The following PTPRB variants were observed in gnomAD, a reference collection of about 807,000 sequenced individuals.
PTPRB encodes the protein receptor-type tyrosine-protein phosphatase beta.
Under a neutral mutation model 238.1 loss-of-function variants are expected in PTPRB, and 97 were observed. The observed-to-expected ratio is 0.41, with a 90% CI of 0.35 to 0.48. The LOEUF is 0.48. Ranked by LOEUF, PTPRB falls within the 20% of genes least tolerant of loss-of-function variation. The probability of loss-of-function intolerance (pLI) is 0.30; values close to 1 mark genes in which losing one functional copy is unlikely to be tolerated. For synonymous variants in PTPRB, 970 were observed against 995.4 expected, an observed-to-expected ratio of 0.97 and a Z score of 0.48; for missense variants, 2,292 against 2,681.9, an observed-to-expected ratio of 0.85 and a Z score of 3.21.
chr12:70,601,190 A>G (rs556963351), intron 4 of PTPRB, among the ~76,000 whole-genome samples: 1 of 151,954 alleles, frequency 6.6e-6, no homozygotes, highest in African/African-American at 2.4e-5. Flanking sequence ...TTTTGTAGAG[A>G]TAGGGTTTCG....
chr12:70,524,515 G>A lies in PTPRB; in HGVS notation c.6581C>T (p.Pro2194Leu). Residue 2194 changes from proline to leucine, a missense_variant, in exon 33 of 34, where the codon CCC (proline) becomes CTC (leucine). Physicochemically the swap from Pro to Leu is moderately conservative, Grantham distance 98. Coordinates refer to ENST00000334414, the MANE Select transcript of PTPRB (RefSeq NM_001109754.4). The part of the protein sequence containing the change: ...ARKLRSEQEN[P>L]LFPIYENVNP... ...CACATTTTCATAGATTGGAAACAAGGGGTTTTCTTGTTCACTCCGTAGCTT... is the reference window on the plus strand; with the variant it reads ...CACATTTTCATAGATTGGAAACAAGAGGTTTTCTTGTTCACTCCGTAGCTT... The A allele has an allele frequency of 6.2e-7, 1 of 1,613,456 alleles. No homozygotes were observed. The highest frequency in any genetic ancestry group is 8.5e-7 in the Non-Finnish European group (1 of 1,179,576).
At chr12:70,625,329 C>T (rs989629186) in intron 2 of PTPRB, among the ~76,000 whole-genome samples, 5 of 152,162 alleles carry the variant, frequency 3.3e-5, no homozygotes, top group African/African-American at 4.8e-5. Context: ...CTTGGTCCTG[C>T]TCCTGGAAAC....
intron 31 of PTPRB, among the ~76,000 whole-genome samples, chr12:70,534,269 G>C (rs1873744445): frequency 6.6e-6 from 1 of 152,160 alleles, no homozygotes; most frequent in Non-Finnish European, 1.5e-5. Flanking sequence ...GAGGATGAGA[G>C]AGAGGCTACA....
intron 32 of PTPRB, among the ~76,000 whole-genome samples, chr12:70,526,686 T>A (rs560222317): frequency 6.6e-6 from 1 of 152,212 alleles, no homozygotes; most frequent in African/African-American, 2.4e-5. Flanking sequence ...AGCAGTCTCT[T>A]TTTGCTACCT....
chr12:70,622,320 GC>G, intron 3 of PTPRB, 69 bp downstream of exon 3: 1 of 1,567,378 alleles, frequency 6.4e-7, no homozygotes, highest in Non-Finnish European at 8.7e-7. Flanking sequence ...TTTTAGCAAA[GC>G]AAGTCTTTTC....
intron 32 of PTPRB, among the ~76,000 whole-genome samples, chr12:70,530,500 A>G (rs566515528): frequency 1.2e-3 from 175 of 152,072 alleles, no homozygotes; most frequent in South Asian, 0.01. Flanking sequence ...ACACACATAC[A>G]TATATACATA....
intron 26 of PTPRB, 41 bp from the exon 27 acceptor site, chr12:70,539,055 A>G (rs1874631956): frequency 6.8e-7 from 1 of 1,471,434 alleles, no homozygotes; most frequent in African/African-American, 1.4e-5. Flanking sequence ...AGAATATGAA[A>G]TAGAATAAAG....
chr12:70,551,042 T>C (rs1480480163), intron 21 of PTPRB, among the ~76,000 whole-genome samples: 1 of 152,138 alleles, frequency 6.6e-6, no homozygotes, highest in Admixed American at 6.5e-5. Context: ...ATTACAGGCG[T>C]GCACCACCGT....
intron 21 of PTPRB, among the ~76,000 whole-genome samples, chr12:70,549,417 C>T (rs1351095999): frequency 1.3e-5 from 2 of 152,180 alleles, no homozygotes; most frequent in South Asian, 2.1e-4. Flanking sequence ...TCTCTCTCAC[C>T]ATAATGATCT....
At chr12:70,542,698 C>T (rs1875342486) in intron 22 of PTPRB, 1 of 149,736 alleles carries the variant, frequency 6.7e-6, no homozygotes, top group Non-Finnish European at 1.5e-5. Flanking sequence ...ACATCCTGGC[C>T]AACACGTGAA....
At chr12:70,538,468 A>G (rs1874525920) in intron 27 of PTPRB, 2 of 486,604 alleles carry the variant, frequency 4.1e-6, no homozygotes, top group African/African-American at 1.9e-5. Flanking sequence ...CCTTTCTGAC[A>G]TTACCACATT....
Position 70,569,768 on chromosome 12 carries a change from A to T in PTPRB, c.3541T>A (p.Phe1181Ile). 1.2e-6 allele frequency: 2 copies of T among 1,613,942 alleles called. No homozygotes were observed. The highest frequency in any genetic ancestry group is 1.7e-6 in the Non-Finnish European group (2 of 1,179,878). ...TIPKHVFEHTFHRLEAGEQYQ... is the reference protein window; with the variant it reads ...TIPKHVFEHTIHRLEAGEQYQ... ...TGCTCCCCGGCCTCCAGTCTGTGGA[A>T]CGTGTGCTCAAAGACGTGCTTGGGA... is the stretch of plus-strand genomic sequence containing the variant. The change falls in exon 14 of 34, where the codon TTC becomes ATC. Residue 1181 changes from phenylalanine to isoleucine, a missense_variant. Transcript: ENST00000334414.
At chr12:70,615,684 A>T (rs904163789) in intron 3 of PTPRB, among the ~76,000 whole-genome samples, 1 of 152,056 alleles carries the variant, frequency 6.6e-6, no homozygotes, top group Non-Finnish European at 1.5e-5. Context: ...AAGGGAGTCT[A>T]CTCCCAGATG....
At position 70,622,426 on chromosome 12, in the gene PTPRB, C is replaced by T; in HGVS notation, c.672G>A (p.Leu224=). 1 of 1,612,624 alleles carries T rather than the reference C, an allele frequency of 6.2e-7. No homozygotes were observed. The highest frequency in any genetic ancestry group is 8.5e-7 in the Non-Finnish European group (1 of 1,179,630). Residue 224 remains leucine (L), a synonymous_variant, in exon 3 of 34, where the codon TTG becomes TTA. Coordinates refer to ENST00000334414, the MANE Select transcript of PTPRB (RefSeq NM_001109754.4). ...TGCTGGAGAAGGGCTGAGTAGTCGA[C>T]AAAACCCATGATGTGTCTGTAATTC... ...MTGITDTSWV[L]STTQPFSSTT... is the part of the protein sequence containing the mutation.
intron 33 of PTPRB, among the ~76,000 whole-genome samples, chr12:70,522,863 C>CTTTTTT (rs35913444): frequency 3.4e-5 from 4 of 118,236 alleles, no homozygotes; most frequent in African/African-American, 1.3e-4. Flanking sequence ...TTTGTTTTTT[C>CTTTTTT]TTTTTTTTTT....
At chr12:70,596,377 GAA>G in intron 4 of PTPRB, 50 bp from the exon 5 acceptor site, 1 of 1,272,788 alleles carries the variant, frequency 7.9e-7, no homozygotes, top group Admixed American at 3.8e-5. Flanking sequence ...GAAAGAAAAA[GAA>G]AAAAAAAGAA....
intron 4 of PTPRB, among the ~76,000 whole-genome samples, chr12:70,596,736 ATAAT>A (rs1484623506): frequency 6.6e-6 from 1 of 152,178 alleles, no homozygotes. Context: ...ATATTAAGAA[ATAAT>A]TTGAAATATA....
At position 70,538,910 on chromosome 12, in the gene PTPRB, G is replaced by C. The variant is rs1433715896; in HGVS notation, c.5869+14C>G. 1.9e-6 allele frequency: 3 copies of C among 1,600,136 alleles called. No individual in the cohort carries two copies. The African/African-American group carries it at 4.0e-5, about 21-fold the overall frequency. On this transcript the variant is annotated intron_variant, in intron 27 of 33. Transcript: ENST00000334414. ...AGAGGAAGACAGTATTACAAATTTT[G>C]ACACAAAACTTACAGGGCAATATAT...
intron 2 of PTPRB, among the ~76,000 whole-genome samples, chr12:70,630,067 AAG>A (rs1348444228): frequency 6.6e-6 from 1 of 152,222 alleles, no homozygotes; most frequent in African/African-American, 2.4e-5. Context: ...TCAACAGAAA[AAG>A]AGGGAATCCT....
Sources: allele counts gnomAD v4.1 joint callset (sites outside exome capture counted in the v4.1 genomes callset), GRCh38; gene constraint gnomAD v4.1.1; transcripts MANE v1.5; gene names NCBI Gene and HGNC (gene_info 2026-07-23, HGNC 2026-07-21).